HAUS6: variants seen among roughly 807,000 people sequenced by gnomAD.
HAUS6 encodes the protein HAUS augmin-like complex subunit 6.
HAUS6 carries 80 observed loss-of-function variants against 106.8 expected under a neutral mutation model. The ratio of observed to expected loss-of-function variants is 0.75; its 90% CI spans 0.63 to 0.90. HAUS6 has a LOEUF of 0.90. HAUS6 is among the 40% of genes least tolerant of loss of function. The pLI, the probability that HAUS6 is intolerant of heterozygous loss-of-function variation, is 0.00. For synonymous variants in HAUS6, 356 were observed against 379.1 expected (o/e 0.94, Z 0.71); for missense variants, 1,155 against 1,118.1 (o/e 1.03, Z -0.47).
intron 1 of HAUS6, among the ~76,000 whole-genome samples, chr9:19,101,484 C>A (rs141821389): frequency 7.0e-4 from 106 of 151,844 alleles, no homozygotes; most frequent in African/African-American, 2.2e-3. Context: ...GAGTGGGAGA[C>A]CCTGTCTCAA....
chr9:19,054,859 T>C lies in HAUS6; in HGVS notation c.*1484A>G, dbSNP rs1449779705. 1.3e-5 allele frequency: 2 copies of C among 152,220 alleles called. No individual in the cohort carries two copies. Among genetic ancestry groups the C allele is most frequent in the Admixed American group, 1.3e-4 (2 of 15,278 alleles). 9.4% of individuals were successfully genotyped at this position (152,220 alleles called of 1,614,324 possible). On this transcript the variant is annotated 3_prime_UTR_variant, in exon 17 of 17. Coordinates refer to ENST00000380502, the MANE Select transcript of HAUS6 (RefSeq NM_017645.5). ...GCAGTGGCTTTGGCACTTCTGCAGA[T>C]GCTGATAAGACAGTATCACATGCTA... is the stretch of plus-strand genomic sequence containing the variant.
chr9:19,062,930 T>G, intron 14 of HAUS6, 78 bp downstream of exon 14: 1 of 1,078,398 alleles, frequency 9.3e-7, no homozygotes, highest in South Asian at 1.4e-5. Flanking sequence ...CCTCCCCAAG[T>G]GTTGGGATTA....
At chr9:19,087,350 T>C (rs1289705305) in intron 5 of HAUS6, among the ~76,000 whole-genome samples, 194 bp from the exon 6 acceptor site, 1 of 152,152 alleles carries the variant, frequency 6.6e-6, no homozygotes, top group African/African-American at 2.4e-5. Flanking sequence ...GACCTAGGAC[T>C]CATAGGTTAG....
At chr9:19,068,944 C>T (rs1318024284) in intron 12 of HAUS6, among the ~76,000 whole-genome samples, 2 of 151,976 alleles carry the variant, frequency 1.3e-5, no homozygotes, top group South Asian at 2.1e-4. Flanking sequence ...CCAGTTTTTT[C>T]ATATGTTAAA....
In HAUS6 at chr9:19,093,245, C is replaced by G. The variant is rs1817793308; in HGVS notation, c.362G>C (p.Gly121Ala). Residue 121 changes from glycine to alanine, a missense_variant, in exon 4 of 17, where the codon GGT becomes GCT. Physicochemically the swap from Gly to Ala is moderately conservative, Grantham distance 60. Coordinates refer to ENST00000380502, the MANE Select transcript of HAUS6 (RefSeq NM_017645.5). Reference protein sequence around the residue: ...VVGSLFLSPGGPKFIHLMYHF... With the variant: ...VVGSLFLSPGAPKFIHLMYHF... ...ATACATCAGATGAATAAACTTAGGA[C>G]CACCAGGAGAAAGAAATAGTGAACC... 6.2e-7 allele frequency: 1 copy of G among 1,609,600 alleles called. No homozygotes were observed. The highest frequency in any genetic ancestry group is 8.5e-7 in the Non-Finnish European group (1 of 1,176,984).
At position 19,096,751 on chromosome 9, in the gene HAUS6, C is replaced by A; in HGVS notation, c.147G>T (p.Leu49=). ...AAATTATATGAAAGGCATCACGGTT[C>A]AGCTTGTCAAACATGTTCCTAGTGG... ...THLGVNMFDK[L]NRDAFHIISY... Residue 49 remains leucine (L), a synonymous_variant, in exon 2 of 17, where the codon CTG becomes CTT. Transcript: ENST00000380502. The A allele has an allele frequency of 1.9e-6, 3 of 1,547,346 alleles. No homozygotes were observed. Among genetic ancestry groups the A allele is most frequent in the Admixed American group, 1.9e-5 (1 of 51,314 alleles).
At chr9:19,069,208 GT>G (rs1375049571) in intron 12 of HAUS6, among the ~76,000 whole-genome samples, 2 of 152,042 alleles carry the variant, frequency 1.3e-5, no homozygotes, top group African/African-American at 4.8e-5. Context: ...CTTGAACTTA[GT>G]TTCAAAAAAG....
chr9:19,061,592 T>C (rs1365880589), intron 14 of HAUS6, among the ~76,000 whole-genome samples: 2 of 152,096 alleles, frequency 1.3e-5, no homozygotes, highest in African/African-American at 4.8e-5. Context: ...CCCAGCACTT[T>C]GGGAGGCCAA....
intron 5 of HAUS6, among the ~76,000 whole-genome samples, chr9:19,088,997 C>T (rs1298467193): frequency 6.6e-6 from 1 of 152,230 alleles, no homozygotes; most frequent in Non-Finnish European, 1.5e-5. Flanking sequence ...AATCTCAGCA[C>T]TTTGGGAGGC....
intron 12 of HAUS6, among the ~76,000 whole-genome samples, chr9:19,068,928 C>G (rs937617896): frequency 5.3e-5 from 8 of 151,788 alleles, no homozygotes; most frequent in Admixed American, 3.9e-4. Context: ...GAAGTTAGAA[C>G]AAAATCCAGT....
At chr9:19,090,323 C>A (rs1028410839) in intron 4 of HAUS6, among the ~76,000 whole-genome samples, 1 of 152,002 alleles carries the variant, frequency 6.6e-6, no homozygotes, top group Non-Finnish European at 1.5e-5. Context: ...TTTATAGATA[C>A]CTCAAATTAT....
chr9:19,083,901 C>T (rs1837222990), intron 7 of HAUS6, among the ~76,000 whole-genome samples: 1 of 151,430 alleles, frequency 6.6e-6, no homozygotes, highest in Admixed American at 6.6e-5. Flanking sequence ...AATTATGCCT[C>T]ATTAAAAGCA....
chr9:19,068,778 C>A (rs1375342534), intron 12 of HAUS6, among the ~76,000 whole-genome samples: 1 of 150,508 alleles, frequency 6.6e-6, no homozygotes, highest in Non-Finnish European at 1.5e-5. Flanking sequence ...TGTTTAATTT[C>A]AATGAAGAAC....
chr9:19,059,362 C>T (rs1008503068), intron 15 of HAUS6, among the ~76,000 whole-genome samples: 2 of 152,174 alleles, frequency 1.3e-5, no homozygotes, highest in Admixed American at 1.3e-4. Flanking sequence ...GCAGGCCATC[C>T]ATTCTGTCAA....
chr9:19,078,133 A>AAAT, intron 10 of HAUS6, 43 bp downstream of exon 10: 1 of 1,410,316 alleles, frequency 7.1e-7, no homozygotes, highest in Non-Finnish European at 9.7e-7. Context: ...AAAAAAAAAA[A>AAAT]GGTGGGTGGC....
rs146004976 is a variant in HAUS6 at position 19,080,484 on chromosome 9, A to G, written c.1059T>C (p.His353=). The change falls in exon 9 of 17, where the codon CAT becomes CAC. Residue 353 remains histidine (H), a synonymous_variant. Coordinates refer to ENST00000380502, the MANE Select transcript of HAUS6 (RefSeq NM_017645.5). ...AACAGATCTTTTTAGTGTACCTCATATGTTTCAGATCTGATAATCTTTCCT... is the reference window on the plus strand; with the variant it reads ...AACAGATCTTTTTAGTGTACCTCATGTGTTTCAGATCTGATAATCTTTCCT... ...FQKERLSDLK[H]MRYRIKDDLT... is the part of the protein sequence containing the mutation. 2.5e-6 allele frequency: 4 copies of G among 1,597,260 alleles called. No homozygotes were observed. The highest frequency in any genetic ancestry group is 3.4e-6 in the Non-Finnish European group (4 of 1,166,672).
chr9:19,097,138 A>G (rs1374931417), intron 1 of HAUS6, among the ~76,000 whole-genome samples: 5 of 152,226 alleles, frequency 3.3e-5, no homozygotes, highest in African/African-American at 4.8e-5. Context: ...ACCTAAAACC[A>G]TAAAAACCCT....
intron 4 of HAUS6, among the ~76,000 whole-genome samples, chr9:19,089,951 G>C (rs564802433): frequency 6.6e-6 from 1 of 151,960 alleles, no homozygotes; most frequent in Non-Finnish European, 1.5e-5. Flanking sequence ...TCTCACCTCA[G>C]CCTCCAGAGT....
intron 11 of HAUS6, among the ~76,000 whole-genome samples, chr9:19,074,692 C>T (rs939143680): frequency 1.3e-5 from 2 of 152,178 alleles, no homozygotes; most frequent in Non-Finnish European, 2.9e-5. Flanking sequence ...AACCAATTAC[C>T]TATCCCAGTG....
Sources: gnomAD v4.1 joint callset for allele counts (sites outside exome capture counted in the v4.1 genomes callset) on GRCh38, gnomAD v4.1.1 for gene constraint, MANE v1.5 for transcripts, NCBI Gene and HGNC (gene_info 2026-07-23, HGNC 2026-07-21) for gene names.